POU2F1: variants seen among roughly 807,000 people sequenced by gnomAD.
POU2F1 encodes the protein POU domain, class 2, transcription factor 1.
Under a neutral mutation model 84.9 loss-of-function variants are expected in POU2F1, and 16 were observed. The observed-to-expected ratio is 0.19, with a 90% confidence interval of 0.13 to 0.29. The LOEUF (loss-of-function observed/expected upper bound fraction) is 0.29, where lower values mean the gene tolerates loss of function less well. Among genes scored for constraint, POU2F1 ranks in the 10% least tolerant of loss-of-function variants. The probability of loss-of-function intolerance (pLI) is 1.00; values close to 1 mark genes in which losing one functional copy is unlikely to be tolerated. For missense variants in POU2F1, 738 were observed against 942.6 expected (o/e 0.78, Z 2.84); for synonymous variants, 368 against 368.3 (o/e 1.00, Z 0.01).
At chr1:167,272,162 A>G (rs910166277) in intron 1 of POU2F1, among the ~76,000 whole-genome samples, 1 of 152,188 alleles carries the variant, frequency 6.6e-6, no homozygotes, top group South Asian at 2.1e-4. Flanking sequence ...AATGAACAGT[A>G]TACAGTTTTT....
At position 167,307,469 on chromosome 1, in the gene POU2F1, C is replaced by CA. The variant is rs11354171; in HGVS notation, c.62-24985dup. Among the ~76,000 whole-genome samples, 1,036 of 137,680 alleles carry CA rather than the reference C, an allele frequency of 7.5e-3. 12 individuals are homozygous for CA. Among genetic ancestry groups the CA allele is most frequent in the African/African-American group, 0.024 (893 of 37,876 alleles). The allele number at this position is 137,680 out of a possible 152,430, so 90.3% of individuals were successfully genotyped here. ...GAGGTCAAAGCCATACTAGGATAAC[C>CA]AAAAAAAAAAAAAAAACTGTATAGT... On this transcript the variant is annotated intron_variant, in intron 1 of 15. Transcript: ENST00000367866.
At chr1:167,340,756 G>T (rs891376395) in intron 2 of POU2F1, among the ~76,000 whole-genome samples, 1 of 152,046 alleles carries the variant, frequency 6.6e-6, no homozygotes, top group Non-Finnish European at 1.5e-5. Flanking sequence ...CGATGCGCAA[G>T]ATAACAGTAC....
chr1:167,334,991 A>G (rs1336485671), intron 2 of POU2F1, among the ~76,000 whole-genome samples: 1 of 152,134 alleles, frequency 6.6e-6, no homozygotes, highest in Non-Finnish European at 1.5e-5. Context: ...CACTTTAAGG[A>G]GAATGATATT....
intron 1 of POU2F1, among the ~76,000 whole-genome samples, chr1:167,320,376 A>G (rs192211101): frequency 9.9e-4 from 151 of 152,328 alleles, no homozygotes; most frequent in African/African-American, 3.6e-3. Flanking sequence ...AGCACCTTCA[A>G]TTGGTTTAAA....
intron 10 of POU2F1, among the ~76,000 whole-genome samples, chr1:167,397,483 A>C (rs1284438055): frequency 6.6e-6 from 1 of 152,158 alleles, no homozygotes; most frequent in Non-Finnish European, 1.5e-5. Context: ...CCATCCTAGC[A>C]GAAAGAATGC....
At chr1:167,375,787 A>G (rs1660287307) in intron 6 of POU2F1, among the ~76,000 whole-genome samples, 1 of 152,256 alleles carries the variant, frequency 6.6e-6, no homozygotes, top group Non-Finnish European at 1.5e-5. Context: ...AGAAACATTG[A>G]AAATTAGGCT....
chr1:167,355,118 G>A (rs1235903186), intron 2 of POU2F1, among the ~76,000 whole-genome samples: 1 of 147,222 alleles, frequency 6.8e-6, no homozygotes, highest in East Asian at 2.0e-4. Flanking sequence ...GAATGTTATA[G>A]TTTTGCATTT....
At chr1:167,374,049 T>C in intron 5 of POU2F1, 59 bp from the exon 6 acceptor site, 2 of 1,550,806 alleles carry the variant, frequency 1.3e-6, no homozygotes, top group East Asian at 4.5e-5. Context: ...AGCAGTTGGC[T>C]TGCATTAGGA....
At chr1:167,412,343 G>T in intron 14 of POU2F1, 39 bp downstream of exon 14, 1 of 1,467,466 alleles carries the variant, frequency 6.8e-7, no homozygotes, top group South Asian at 1.4e-5. Context: ...CTGAGGTGGA[G>T]GTCATCCCTG....
At chr1:167,378,559 ACTATGCTGGGCTAATTTTTGG>A (rs933582523) in intron 7 of POU2F1, among the ~76,000 whole-genome samples, 23 of 151,874 alleles carry the variant, frequency 1.5e-4, no homozygotes, top group Non-Finnish European at 2.5e-4. Flanking sequence ...GGCGCCCGCC[ACTATGCTGGGCTAATTTTTGG>A]TTTTTAGTAG....
Position 167,415,963 on chromosome 1 carries a change from A to C in POU2F1, c.*153A>C. ...GGAGAAAAAAAAAAAAAAACCACAC[A>C]CACCCATACACACATACCAGAAAAA... On this transcript the variant is annotated 3_prime_UTR_variant, in exon 16 of 16. Transcript: ENST00000367866. 1.4e-6 allele frequency: 1 copy of C among 733,884 alleles called. No homozygotes were observed. Among genetic ancestry groups the C allele is most frequent in the Non-Finnish European group, 2.2e-6 (1 of 446,776 alleles). The allele number at this position is 733,884 out of a possible 1,614,324, so 45.5% of individuals were successfully genotyped here.
At chr1:167,249,593 T>G (rs1208434159) in intron 1 of POU2F1, among the ~76,000 whole-genome samples, 1 of 152,084 alleles carries the variant, frequency 6.6e-6, no homozygotes, top group African/African-American at 2.4e-5. Flanking sequence ...CAGTAGAATT[T>G]AGAAGGAAGT....
At chr1:167,301,055 C>T (rs1654665218) in intron 1 of POU2F1, among the ~76,000 whole-genome samples, 1 of 152,154 alleles carries the variant, frequency 6.6e-6, no homozygotes, top group South Asian at 2.1e-4. Flanking sequence ...TAGGTGTGAC[C>T]CACCGTGCCC....
chr1:167,422,077 A>G lies in POU2F1; in HGVS notation c.*6267A>G, dbSNP rs1188234856. ...CAGCAGTGTGTGGTGGCATGCAGGT[A>G]ACATATGGGGTGTCCAGTAGGTTCA... On this transcript the variant is annotated 3_prime_UTR_variant, in exon 16 of 16. Coordinates refer to ENST00000367866, the MANE Select transcript of POU2F1 (RefSeq NM_002697.4). 6.6e-6 allele frequency: 1 copy of G among 152,204 alleles called. No individual in the cohort carries two copies. The highest frequency in any genetic ancestry group is 2.4e-5 in the African/African-American group (1 of 41,432). The allele number at this position is 152,204 out of a possible 1,614,324, so 9.4% of individuals were successfully genotyped here. A position where few individuals can be genotyped will look rare whatever the true frequency, so the allele number is the denominator to read the frequency against.
rs34170498 is a variant in POU2F1 at position 167,351,519 on chromosome 1, CAAAAAAAAAAAAAAAAAA to C, written c.128-13941_128-13924del. Among the ~76,000 whole-genome samples, 2 of 45,996 alleles carry C rather than the reference CAAAAAAAAAAAAAAAAAA, an allele frequency of 4.3e-5. 1 individual carries two copies. The highest frequency in any genetic ancestry group is 2.6e-3 in the South Asian group (2 of 778). The allele number at this position is 45,996 out of a possible 152,430, so 30.2% of individuals were successfully genotyped here. ...GGTCAGGAAGAATGAAGCACCATCTCAAAAAAAAAAAAAAAAAAAAAAAAGAAAGAAAGAAAAAAAAGA... is the reference window on the plus strand; with the variant it reads ...GGTCAGGAAGAATGAAGCACCATCTCAAAAAAGAAAGAAAGAAAAAAAAGA... On this transcript the variant is annotated intron_variant, in intron 2 of 15. Transcript: ENST00000367866.
At chr1:167,237,388 G>C (rs1171324880) in intron 1 of POU2F1, among the ~76,000 whole-genome samples, 5 of 152,176 alleles carry the variant, frequency 3.3e-5, no homozygotes, top group Admixed American at 2.6e-4. Flanking sequence ...GCTCAGAAAA[G>C]AAACAGGTTA....
At chr1:167,396,208 C>T in intron 9 of POU2F1, 78 bp from the exon 10 acceptor site, 1 of 1,526,194 alleles carries the variant, frequency 6.6e-7, no homozygotes, top group Admixed American at 1.8e-5. Context: ...GGAGCAACAC[C>T]CCAGAGTGAA....
At chr1:167,289,095 A>G (rs1254557466) in intron 1 of POU2F1, among the ~76,000 whole-genome samples, 1 of 152,204 alleles carries the variant, frequency 6.6e-6, no homozygotes, top group East Asian at 1.9e-4. Flanking sequence ...AGGGGAGTAT[A>G]CTTGTAGTAG....
chr1:167,380,253 TC>T (rs1414901704), intron 7 of POU2F1: 1 of 152,218 alleles, frequency 6.6e-6, no homozygotes, highest in Non-Finnish European at 1.5e-5. Context: ...TAGGATACTT[TC>T]AGTGTTCACC....
Sources: gnomAD v4.1 joint callset for allele counts (sites outside exome capture counted in the v4.1 genomes callset) on GRCh38, gnomAD v4.1.1 for gene constraint, MANE v1.5 for transcripts, NCBI Gene and HGNC (gene_info 2026-07-23, HGNC 2026-07-21) for gene names.